The following VPS13C variants were observed in gnomAD, a reference collection of about 807,000 sequenced individuals.
VPS13C encodes intermembrane lipid transfer protein VPS13C.
A neutral mutation model predicts 456.8 loss-of-function variants in VPS13C; 358 were observed. The observed-to-expected ratio is 0.78, with a 90% CI of 0.72 to 0.86. The LOEUF (loss-of-function observed/expected upper bound fraction) is 0.86, where lower values mean the gene tolerates loss of function less well. Ranked by LOEUF, VPS13C falls within the 40% of genes least tolerant of loss-of-function variation. VPS13C has a pLI of 0.00. For missense variants in VPS13C, 4,818 were observed against 4,385.4 expected (o/e 1.10, Z -2.79); for synonymous variants, 1,578 against 1,486.7 (o/e 1.06, Z -1.41).
At chr15:62,003,463 A>C (rs2046711511) in intron 15 of VPS13C, among the ~76,000 whole-genome samples, 1 of 152,106 alleles carries the variant, frequency 6.6e-6, no homozygotes, top group Non-Finnish European at 1.5e-5. Flanking sequence ...TGTCGTCTGC[A>C]AACAGGGACA....
At chr15:62,036,573 T>C (rs941113538) in intron 3 of VPS13C, among the ~76,000 whole-genome samples, 1 of 152,104 alleles carries the variant, frequency 6.6e-6, no homozygotes, top group African/African-American at 2.4e-5. Context: ...GTCCAGTGAT[T>C]TTATATTTAC....
chr15:61,936,066 T>C (rs755878109), intron 48 of VPS13C, among the ~76,000 whole-genome samples: 1 of 152,186 alleles, frequency 6.6e-6, no homozygotes. Flanking sequence ...AAAAGAAACC[T>C]TGTATTTTAG....
intron 1 of VPS13C, among the ~76,000 whole-genome samples, chr15:62,058,292 T>C (rs1430209268): frequency 4.6e-5 from 7 of 152,202 alleles, no homozygotes; most frequent in Admixed American, 3.9e-4. Context: ...AAGAAATACT[T>C]GATTTCTGCA....
rs1277844850 is a variant in VPS13C at position 61,982,620 on chromosome 15, C to A, written c.1915-47G>T. 3.7e-6 allele frequency: 5 copies of A among 1,367,694 alleles called. No homozygotes were observed. The African/African-American group carries it at 7.2e-5, about 20-fold the overall frequency. The allele number at this position is 1,367,694 out of a possible 1,614,324, so 84.7% of individuals were successfully genotyped here. On this transcript the variant is annotated intron_variant, in intron 20 of 84. Transcript: ENST00000644861. ...ATAACCAAGTTACACATGGTTCTTT[C>A]CATATTGTAAACTTCAAAGTTTCAC...
chr15:61,942,749 G>A (rs1257578026), intron 45 of VPS13C, among the ~76,000 whole-genome samples: 5 of 151,840 alleles, frequency 3.3e-5, no homozygotes, highest in Non-Finnish European at 7.4e-5. Context: ...TATTACAAAA[G>A]CAACCTAACC....
chr15:61,869,435 T>C, intron 80 of VPS13C, 65 bp downstream of exon 80: 1 of 1,563,724 alleles, frequency 6.4e-7, no homozygotes, highest in Non-Finnish European at 8.8e-7. Flanking sequence ...TCTAATCTAT[T>C]TATGTATTCC....
chr15:62,051,901 A>G (rs1479733443), intron 1 of VPS13C, among the ~76,000 whole-genome samples: 1 of 152,226 alleles, frequency 6.6e-6, no homozygotes, highest in Non-Finnish European at 1.5e-5. Flanking sequence ...GAAATTCACA[A>G]GTTATGATTT....
At position 61,945,878 on chromosome 15, in the gene VPS13C, A is replaced by G. The variant is rs748025997; in HGVS notation, c.4985T>C (p.Val1662Ala). 5.0e-6 allele frequency: 8 copies of G among 1,605,326 alleles called. No individual in the cohort carries two copies. In the South Asian group the frequency reaches 6.7e-5, roughly 13 times the overall value. Reference sequence around the variant, plus strand: ...AAAGACTTCATCTCCCAAAATAGAGACAGCCTAAAAGTATTAGATTAACTG... The same window carrying G: ...AAAGACTTCATCTCCCAAAATAGAGGCAGCCTAAAAGTATTAGATTAACTG... The part of the protein sequence containing the change: ...VDLQSIHKKA[V>A]SILGDEVFRF... Residue 1662 changes from valine to alanine, a missense_variant, in exon 45 of 85, where the codon GTC becomes GCC. This residue lies in a region of VPS13C where 4,552 missense variants were observed against 4,130.6 expected (regional missense o/e 1.10). Transcript: ENST00000644861.
At chr15:61,886,252 T>G (rs914501053) in intron 67 of VPS13C, among the ~76,000 whole-genome samples, 1 of 152,164 alleles carries the variant, frequency 6.6e-6, no homozygotes, top group Non-Finnish European at 1.5e-5. Flanking sequence ...ATATTTTGCC[T>G]TAAATTTTCT....
intron 67 of VPS13C, 66 bp downstream of exon 67, chr15:61,890,098 CA>C: frequency 6.9e-7 from 1 of 1,457,076 alleles, no homozygotes; most frequent in South Asian, 1.2e-5. Flanking sequence ...TTACTTTCTT[CA>C]AATCGGCTAT....
chr15:61,926,740 T>C (rs2043863376), intron 52 of VPS13C, among the ~76,000 whole-genome samples: 1 of 152,208 alleles, frequency 6.6e-6, no homozygotes, highest in Admixed American at 6.6e-5. Flanking sequence ...TCCAATTTAA[T>C]TTTTTTCATT....
At chr15:61,914,886 A>T (rs1243241749) in intron 61 of VPS13C, among the ~76,000 whole-genome samples, 1 of 46,690 alleles carries the variant, frequency 2.1e-5, no homozygotes, top group African/African-American at 8.8e-5. Flanking sequence ...CTTAAAAAAA[A>T]AAAAAAAAAA....
chr15:62,045,836 C>T (rs1364712605), intron 1 of VPS13C, among the ~76,000 whole-genome samples: 2 of 151,964 alleles, frequency 1.3e-5, no homozygotes, highest in Non-Finnish European at 2.9e-5. Flanking sequence ...ACTCACAATA[C>T]ATCTGTATTA....
chr15:61,949,428 T>C lies in VPS13C; in HGVS notation c.4759+15A>G. On this transcript the variant is annotated intron_variant, in intron 42 of 84. Coordinates refer to ENST00000644861, the MANE Select transcript of VPS13C (RefSeq NM_020821.3). ...AGTTCAAAGTATTATTAGATCATAATTCAAAAATTATTACCAGCTTTGACA... is the reference window on the plus strand; with the variant it reads ...AGTTCAAAGTATTATTAGATCATAACTCAAAAATTATTACCAGCTTTGACA... 6.2e-7 allele frequency: 1 copy of C among 1,601,542 alleles called. No individual in the cohort carries two copies. Among genetic ancestry groups the C allele is most frequent in the Non-Finnish European group, 8.5e-7 (1 of 1,177,240 alleles).
chr15:62,031,298 T>C (rs1244646959), intron 5 of VPS13C, among the ~76,000 whole-genome samples: 1 of 152,028 alleles, frequency 6.6e-6, no homozygotes, highest in East Asian at 1.9e-4. Context: ...TCTCCTTCCC[T>C]CTCTGAGTCC....
At chr15:61,977,242 C>G (rs763397115) in intron 23 of VPS13C, 43 bp from the exon 24 acceptor site, 1 of 1,211,274 alleles carries the variant, frequency 8.3e-7, no homozygotes. Flanking sequence ...TTTTTACAAA[C>G]AGCCATGGAA....
chr15:61,911,016 C>T (rs1566992592), intron 63 of VPS13C, among the ~76,000 whole-genome samples: 1 of 152,136 alleles, frequency 6.6e-6, no homozygotes, highest in East Asian at 1.9e-4. Context: ...TCTTAGGGCT[C>T]TAACTTTATT....
Position 61,868,722 on chromosome 15 carries a change from G to A in VPS13C, c.10800C>T (p.Ile3600=). ...AAGGACGAATGATGCCATCTTCATG[G>A]ATCAGGCGAGGGGGACGGAGGCTAG... is the stretch of plus-strand genomic sequence containing the variant. ...EVSSLRPPRL[I]HEDGIIRPYD... is the part of the protein sequence containing the mutation. The change falls in exon 81 of 85, where the codon ATC becomes ATT. Residue 3600 remains isoleucine, a synonymous_variant. Transcript: ENST00000644861. 1.2e-6 allele frequency: 2 copies of A among 1,614,118 alleles called. No individual in the cohort carries two copies. The highest frequency in any genetic ancestry group is 1.7e-6 in the Non-Finnish European group (2 of 1,180,016).
At chr15:61,962,896 T>C in intron 32 of VPS13C, 44 bp from the exon 33 acceptor site, 1 of 1,336,152 alleles carries the variant, frequency 7.5e-7, no homozygotes, top group South Asian at 1.5e-5. Flanking sequence ...AGACCTACCA[T>C]AAATAAGATC....
Sources: allele counts gnomAD v4.1 joint callset (sites outside exome capture counted in the v4.1 genomes callset), GRCh38; gene constraint gnomAD v4.1.1; regional missense constraint gnomAD v4.1.1; transcripts MANE v1.5; gene names NCBI Gene and HGNC (gene_info 2026-07-23, HGNC 2026-07-21).